The following SLC6A17 variants were observed in gnomAD, a reference collection of about 807,000 sequenced individuals.
SLC6A17 encodes solute carrier family 6 member 17.
SLC6A17 carries 21 observed loss-of-function variants against 64.5 expected under a neutral mutation model. That is an observed-to-expected ratio of 0.33 (90% CI 0.23 to 0.47). SLC6A17 has a LOEUF of 0.47. Among genes scored for constraint, SLC6A17 ranks in the 20% least tolerant of loss-of-function variants. The pLI is 1.00. For synonymous variants in SLC6A17, 372 were observed against 399.5 expected (o/e 0.93, Z 0.82); for missense variants, 682 against 963.2 (o/e 0.71, Z 3.86).
intron 2 of SLC6A17, among the ~76,000 whole-genome samples, chr1:110,170,672 G>C (rs1437439874): frequency 6.6e-6 from 1 of 152,192 alleles, no homozygotes; most frequent in Non-Finnish European, 1.5e-5. Context: ...CCATGATGGG[G>C]CTGCTTGTTA....
chr1:110,189,962 G>C (rs751005276), intron 6 of SLC6A17, among the ~76,000 whole-genome samples: 1 of 152,208 alleles, frequency 6.6e-6, no homozygotes, highest in Non-Finnish European at 1.5e-5. Flanking sequence ...TTTAGCATTT[G>C]TTCGTGGGAT....
intron 2 of SLC6A17, among the ~76,000 whole-genome samples, chr1:110,167,899 AC>A (rs1430400081): frequency 6.6e-6 from 1 of 152,144 alleles, no homozygotes; most frequent in Non-Finnish European, 1.5e-5. Context: ...CAGGATGCAA[AC>A]CTGGACAGGC....
At position 110,167,756 on chromosome 1, in the gene SLC6A17, C is replaced by G. The variant is rs181677764; in HGVS notation, c.286+541C>G. ...CACCAATTTTATGTGATTCAACCAT[C>G]GAATCCTCCCAACAGCCTTATATGA... is the stretch of plus-strand genomic sequence containing the variant. On this transcript the variant is annotated intron_variant, in intron 2 of 11. Transcript: ENST00000331565. Among the ~76,000 whole-genome samples, 11 of 152,300 alleles carry G rather than the reference C, an allele frequency of 7.2e-5. No individual in the cohort carries two copies. In the East Asian group the frequency reaches 2.1e-3, roughly 29 times the overall value.
At chr1:110,191,664 G>A (rs759098517) in intron 6 of SLC6A17, among the ~76,000 whole-genome samples, 1 of 152,180 alleles carries the variant, frequency 6.6e-6, no homozygotes, top group African/African-American at 2.4e-5. Context: ...TGGCCTTGAC[G>A]ATGTTCCTTA....
chr1:110,160,964 G>A (rs746365124), intron 1 of SLC6A17, among the ~76,000 whole-genome samples: 4 of 152,160 alleles, frequency 2.6e-5, no homozygotes, highest in Admixed American at 6.5e-5. Flanking sequence ...TTGAACTAGA[G>A]CAGAGGGGTG....
At chr1:110,175,063 G>A in intron 5 of SLC6A17, 103 bp downstream of exon 5, 1 of 1,408,468 alleles carries the variant, frequency 7.1e-7, no homozygotes, top group Non-Finnish European at 9.5e-7. Context: ...GGGTCTTCTG[G>A]GTGGATAACA....
In SLC6A17 at chr1:110,198,542, G is replaced by C; in HGVS notation, c.*98G>C. 1.3e-6 allele frequency: 2 copies of C among 1,510,202 alleles called. No homozygotes were observed. Among genetic ancestry groups the C allele is most frequent in the Non-Finnish European group, 1.8e-6 (2 of 1,136,358 alleles). 93.6% of individuals were successfully genotyped at this position (1,510,202 alleles called of 1,614,324 possible). ...TGAGGTGGCCACCAGGCCCAGGCCAGGCCCTTTGCCCAAGAAGAGAGGGTC... is the reference window on the plus strand; with the variant it reads ...TGAGGTGGCCACCAGGCCCAGGCCACGCCCTTTGCCCAAGAAGAGAGGGTC... On this transcript the variant is annotated 3_prime_UTR_variant, in exon 12 of 12. Coordinates refer to ENST00000331565, the MANE Select transcript of SLC6A17 (RefSeq NM_001010898.4).
In SLC6A17 at chr1:110,200,515, C is replaced by T. The variant is rs529994078; in HGVS notation, c.*2071C>T. The T allele has an allele frequency of 6.2e-6, 1 of 162,350 alleles. No individual in the cohort carries two copies. The highest frequency in any genetic ancestry group is 2.4e-5 in the African/African-American group (1 of 42,036). The allele number at this position is 162,350 out of a possible 1,614,324, so 10.1% of individuals were successfully genotyped here. A position where few individuals can be genotyped will look rare whatever the true frequency, so the allele number is the denominator to read the frequency against. On this transcript the variant is annotated 3_prime_UTR_variant, in exon 12 of 12. Transcript: ENST00000331565. ...GTTTCTATTGTATATTCACTCTGTA[C>T]ATGTGGGTGTAAATGCTGTTAAATG... is the stretch of plus-strand genomic sequence containing the variant.
At chr1:110,162,208 A>G (rs1223485861) in intron 1 of SLC6A17, among the ~76,000 whole-genome samples, 1 of 152,212 alleles carries the variant, frequency 6.6e-6, no homozygotes, top group South Asian at 2.1e-4. Flanking sequence ...GGATAATTAG[A>G]ATACGGCTGG....
At chr1:110,162,797 A>T (rs1655950127) in intron 1 of SLC6A17, among the ~76,000 whole-genome samples, 1 of 152,186 alleles carries the variant, frequency 6.6e-6, no homozygotes, top group Non-Finnish European at 1.5e-5. Context: ...GGTACCATTC[A>T]TGAGCACTTC....
chr1:110,174,424 C>T (rs1382953794), intron 4 of SLC6A17, among the ~76,000 whole-genome samples: 1 of 152,162 alleles, frequency 6.6e-6, no homozygotes, highest in Non-Finnish European at 1.5e-5. Flanking sequence ...CTCATCTAAC[C>T]AATGATCTGG....
intron 1 of SLC6A17, among the ~76,000 whole-genome samples, chr1:110,158,733 G>T (rs969370352): frequency 6.6e-6 from 1 of 152,222 alleles, no homozygotes; most frequent in Admixed American, 6.5e-5. Flanking sequence ...ACCCATGATA[G>T]CATTGAGGTT....
rs112636529 is a variant in SLC6A17, at chr1:110,151,077, G to A, written c.-88+194G>A. Among the ~76,000 whole-genome samples the A allele has an allele frequency of 7.5e-3, 1,135 of 152,332 alleles. 15 individuals are homozygous for A. The highest frequency in any genetic ancestry group is 0.026 in the African/African-American group (1,094 of 41,584). The stretch of plus-strand genomic sequence containing the variant: ...CGCCGTTGCCTGGCGACGGAGCCCC[G>A]GGGCCCGCTCTCCTTCGCGCATCGG... On this transcript the variant is annotated intron_variant, in intron 1 of 11. Coordinates refer to ENST00000331565, the MANE Select transcript of SLC6A17 (RefSeq NM_001010898.4).
intron 6 of SLC6A17, among the ~76,000 whole-genome samples, chr1:110,190,136 G>C (rs1486189260): frequency 1.3e-5 from 2 of 152,148 alleles, no homozygotes; most frequent in Non-Finnish European, 2.9e-5. Context: ...GGGAGGCCTT[G>C]ACACCTTATA....
At chr1:110,184,844 CAG>C (rs1557838241) in intron 6 of SLC6A17, among the ~76,000 whole-genome samples, 1 of 152,126 alleles carries the variant, frequency 6.6e-6, no homozygotes, top group Non-Finnish European at 1.5e-5. Flanking sequence ...TAAAATATCA[CAG>C]GGGGGTACAC....
rs747595407 is a variant in SLC6A17 at position 110,192,205 on chromosome 1, T to C, written c.1098T>C (p.Cys366=). The part of the protein sequence containing the change: ...GFKANIMNEK[C]VVENAEKILG... ...AGGCCAACATCATGAATGAGAAGTG[T>C]GTGGTCGAGTAGGTGGCATCTCTCC... Residue 366 remains cysteine, a synonymous_variant, in exon 7 of 12, where the codon TGT becomes TGC. Coordinates refer to ENST00000331565, the MANE Select transcript of SLC6A17 (RefSeq NM_001010898.4). The surrounding 1 kb of genome is among the most constrained non-coding windows in gnomAD (Gnocchi z 4.3). 6.2e-7 allele frequency: 1 copy of C among 1,609,482 alleles called. No homozygotes were observed. Among genetic ancestry groups the C allele is most frequent in the South Asian group, 1.1e-5 (1 of 90,846 alleles).
intron 2 of SLC6A17, among the ~76,000 whole-genome samples, chr1:110,167,830 A>C (rs1054986825): frequency 2.6e-5 from 4 of 152,186 alleles, no homozygotes; most frequent in African/African-American, 9.7e-5. Context: ...TGAGGCACAA[A>C]TTGGTTAGAT....
chr1:110,170,792 C>G (rs905260556), intron 2 of SLC6A17, among the ~76,000 whole-genome samples: 2 of 152,052 alleles, frequency 1.3e-5, no homozygotes, highest in Non-Finnish European at 2.9e-5. Flanking sequence ...TCCATTGGAC[C>G]CTGGCCCATT....
chr1:110,194,864 C>G (rs774378042), intron 9 of SLC6A17, 93 bp downstream of exon 9: 49 of 1,476,064 alleles, frequency 3.3e-5, no homozygotes, highest in Non-Finnish European at 4.3e-5. Context: ...TTCATGACCC[C>G]ACACCCAGAA....
Sources: allele counts gnomAD v4.1 joint callset (sites outside exome capture counted in the v4.1 genomes callset), GRCh38; gene constraint gnomAD v4.1.1; non-coding constraint Gnocchi (gnomAD v3.1); transcripts MANE v1.5; gene names NCBI Gene and HGNC (gene_info 2026-07-23, HGNC 2026-07-21).